Variants in AGBL4 observed in about 807,000 individuals in gnomAD.
AGBL4 encodes the protein AGBL carboxypeptidase 4.
AGBL4 carries 58 observed loss-of-function variants against 66.4 expected under a neutral mutation model. The observed-to-expected ratio is 0.87, with a 90% confidence interval of 0.71 to 1.09. The LOEUF (loss-of-function observed/expected upper bound fraction) is 1.09. AGBL4 is among the 50% of genes least tolerant of loss of function. The pLI is 0.00. For missense variants in AGBL4, 579 were observed against 631.0 expected (o/e 0.92, Z 0.88); for synonymous variants, 234 against 222.9 (o/e 1.05, Z -0.44).
At chr1:49,713,974 C>T (rs1388846233) in intron 2 of AGBL4, among the ~76,000 whole-genome samples, 3 of 151,932 alleles carry the variant, frequency 2.0e-5, no homozygotes, top group African/African-American at 7.2e-5. Context: ...ATAGTTTTTA[C>T]CATATGCCAA....
At chr1:49,579,023 TG>T (rs1644491528) in intron 3 of AGBL4, among the ~76,000 whole-genome samples, 1 of 152,120 alleles carries the variant, frequency 6.6e-6, no homozygotes. Flanking sequence ...CAGAAAAATG[TG>T]AAAAGGAGAG....
intron 2 of AGBL4, among the ~76,000 whole-genome samples, chr1:49,799,581 AAG>A (rs1644810137): frequency 6.6e-6 from 1 of 152,176 alleles, no homozygotes; most frequent in Non-Finnish European, 1.5e-5. Context: ...GGATAGTAGA[AAG>A]AGAGAGACAG....
intron 6 of AGBL4, among the ~76,000 whole-genome samples, chr1:48,725,612 T>C (rs926909115): frequency 2.0e-5 from 3 of 152,242 alleles, no homozygotes; most frequent in African/African-American, 7.2e-5. Flanking sequence ...TCCACTCATC[T>C]TTCAGGGAAG....
At chr1:49,221,018 T>C (rs940697428) in intron 4 of AGBL4, among the ~76,000 whole-genome samples, 6 of 152,128 alleles carry the variant, frequency 3.9e-5, no homozygotes, top group African/African-American at 1.2e-4. Flanking sequence ...ACCAAAAACC[T>C]ATTTCCTGGT....
intron 6 of AGBL4, chr1:48,758,916 G>A (rs758761416): frequency 4.6e-6 from 7 of 1,534,792 alleles, no homozygotes; most frequent in African/African-American, 1.4e-5. Flanking sequence ...CAAGCCGCAG[G>A]AGCAGCACGT....
intron 6 of AGBL4, among the ~76,000 whole-genome samples, chr1:48,746,433 C>T (rs1263291008): frequency 6.6e-6 from 1 of 152,170 alleles, no homozygotes; most frequent in Non-Finnish European, 1.5e-5. Context: ...TCAAGGTTCA[C>T]GACGGTCCCC....
intron 3 of AGBL4, among the ~76,000 whole-genome samples, chr1:49,568,902 T>C (rs902281107): frequency 6.6e-6 from 1 of 152,016 alleles, no homozygotes; most frequent in Non-Finnish European, 1.5e-5. Flanking sequence ...CAAGAAAATT[T>C]AGCATATCAG....
chr1:49,458,187 G>A (rs1316612992), intron 3 of AGBL4, among the ~76,000 whole-genome samples: 2 of 151,752 alleles, frequency 1.3e-5, no homozygotes, highest in Non-Finnish European at 2.9e-5. Flanking sequence ...CAATTAGCAT[G>A]GAATGTGTTT....
chr1:49,222,673 C>T (rs962275544), intron 4 of AGBL4, among the ~76,000 whole-genome samples: 2 of 152,134 alleles, frequency 1.3e-5, no homozygotes, highest in Non-Finnish European at 2.9e-5. Flanking sequence ...GTACATTAGA[C>T]AAAATCATCC....
rs1408071411 is a variant in AGBL4, at chr1:48,533,801, G to A, written c.*372C>T. 4.0e-6 allele frequency: 1 copy of A among 252,258 alleles called. No homozygotes were observed. 15.6% of individuals were successfully genotyped at this position (252,258 alleles called of 1,614,324 possible). On this transcript the variant is annotated 3_prime_UTR_variant, in exon 14 of 14. Transcript: ENST00000371839. ...AAGCCTATTTAAAAGGTAACCATCT[G>A]CAGTAACTATAAAACTTAAAAATGT...
chr1:48,684,639 A>G (rs1215477943), intron 6 of AGBL4, among the ~76,000 whole-genome samples: 3 of 152,228 alleles, frequency 2.0e-5, no homozygotes. Context: ...CATTGTGAAA[A>G]GGCAACATGC....
intron 9 of AGBL4, among the ~76,000 whole-genome samples, chr1:48,633,475 G>A (rs1488828846): frequency 6.6e-6 from 1 of 152,130 alleles, no homozygotes; most frequent in Non-Finnish European, 1.5e-5. Flanking sequence ...ATTGAAGTTG[G>A]AAGGGACTCA....
chr1:49,735,332 TGTAGAGAG>T (rs1330358088), intron 2 of AGBL4, among the ~76,000 whole-genome samples: 45 of 147,618 alleles, frequency 3.0e-4, no homozygotes, highest in Non-Finnish European at 5.1e-4. Flanking sequence ...TGTGTGTGTG[TGTAGAGAG>T]AGAGAGACAG....
At chr1:49,312,250 C>T (rs556080121) in intron 3 of AGBL4, among the ~76,000 whole-genome samples, 102 of 152,130 alleles carry the variant, frequency 6.7e-4, no homozygotes, top group African/African-American at 2.1e-3. Flanking sequence ...GCATTTACTC[C>T]TTCCTTCCCT....
chr1:49,255,619 C>T (rs1373332600), intron 3 of AGBL4, among the ~76,000 whole-genome samples: 1 of 152,090 alleles, frequency 6.6e-6, no homozygotes, highest in Non-Finnish European at 1.5e-5. Context: ...CCTCAAAAAC[C>T]TAAAGACAGA....
At chr1:49,512,075 T>G (rs1372956904) in intron 3 of AGBL4, among the ~76,000 whole-genome samples, 1 of 151,992 alleles carries the variant, frequency 6.6e-6, no homozygotes, top group Non-Finnish European at 1.5e-5. Flanking sequence ...CACTGTTGAA[T>G]AAAGTTCTTA....
chr1:48,655,927 T>C (rs1467110047), intron 7 of AGBL4, among the ~76,000 whole-genome samples: 1 of 152,248 alleles, frequency 6.6e-6, no homozygotes. Context: ...TGACATTGTA[T>C]GATTCCATCT....
chr1:49,650,586 A>T (rs918825321), intron 3 of AGBL4, among the ~76,000 whole-genome samples: 19 of 152,082 alleles, frequency 1.2e-4, no homozygotes, highest in African/African-American at 4.6e-4. Flanking sequence ...CTTCCTGGGG[A>T]TCCTCAGCCA....
chr1:49,920,534 C>T (rs1475614574), intron 1 of AGBL4, among the ~76,000 whole-genome samples: 1 of 152,136 alleles, frequency 6.6e-6, no homozygotes, highest in Non-Finnish European at 1.5e-5. Flanking sequence ...ATCAAAACCA[C>T]AGTGAGATAC....
Sources: allele counts gnomAD v4.1 joint callset (sites outside exome capture counted in the v4.1 genomes callset), GRCh38; gene constraint gnomAD v4.1.1; transcripts MANE v1.5; gene names NCBI Gene and HGNC (gene_info 2026-07-23, HGNC 2026-07-21).